Variants in WWC1 observed in about 807,000 individuals in gnomAD.
The protein encoded by WWC1 is WW and C2 domain containing 1.
In WWC1, 55 loss-of-function variants were observed where a neutral mutation model predicts 138.4. The observed-to-expected ratio is 0.40, with a 90% CI of 0.32 to 0.50. The LOEUF (loss-of-function observed/expected upper bound fraction) is 0.50. WWC1 is among the 20% of genes least tolerant of loss of function. The probability of loss-of-function intolerance (pLI) is 0.72; values close to 1 mark genes in which losing one functional copy is unlikely to be tolerated. For missense variants in WWC1, 1,226 were observed against 1,420.4 expected, an observed-to-expected ratio of 0.86 and a Z score of 2.20; for synonymous variants, 524 against 564.9, an observed-to-expected ratio of 0.93 and a Z score of 1.03.
chr5:168,375,855 G>T (rs952191451), intron 2 of WWC1, among the ~76,000 whole-genome samples: 1 of 152,024 alleles, frequency 6.6e-6, no homozygotes. Context: ...GAATACAGAC[G>T]TGAGCCACCA....
intron 8 of WWC1, among the ~76,000 whole-genome samples, chr5:168,412,377 C>T (rs945490120): frequency 2.0e-5 from 3 of 152,290 alleles, no homozygotes; most frequent in South Asian, 4.2e-4. Flanking sequence ...CAAGTTTTGT[C>T]ACACATGCAT....
At chr5:168,399,621 C>G in intron 5 of WWC1, 54 bp downstream of exon 5, 6 of 1,543,066 alleles carry the variant, frequency 3.9e-6, no homozygotes, top group Non-Finnish European at 5.4e-6. Flanking sequence ...CCTGGTTCCC[C>G]TCCTGTCCTC....
chr5:168,358,294 G>A (rs1775612758), intron 1 of WWC1, among the ~76,000 whole-genome samples: 1 of 152,230 alleles, frequency 6.6e-6, no homozygotes, highest in South Asian at 2.1e-4. Context: ...GGAGATGTCA[G>A]GAGGTGTGTT....
intron 15 of WWC1, among the ~76,000 whole-genome samples, chr5:168,438,344 G>A (rs1451125450): frequency 1.3e-5 from 2 of 152,116 alleles, no homozygotes; most frequent in African/African-American, 4.8e-5. Flanking sequence ...ATGATAGTGA[G>A]TGTGTTCTCA....
At chr5:168,293,269 C>T (rs560806978) in intron 1 of WWC1, among the ~76,000 whole-genome samples, 12 of 152,298 alleles carry the variant, frequency 7.9e-5, no homozygotes, top group African/African-American at 2.4e-4. Flanking sequence ...GTTGTTGACA[C>T]GGTCTGTGGG....
At chr5:168,295,237 G>A (rs956680596) in intron 1 of WWC1, among the ~76,000 whole-genome samples, 1 of 152,062 alleles carries the variant, frequency 6.6e-6, no homozygotes, top group South Asian at 2.1e-4. Context: ...GTCTTCAAGG[G>A]CCTGCCAGCT....
Position 168,292,226 on chromosome 5 carries a change from T to C in WWC1, c.74T>C (p.Ile25Thr), listed in dbSNP as rs775024939. 1.3e-6 allele frequency: 2 copies of C among 1,590,186 alleles called. No homozygotes were observed. The highest frequency in any genetic ancestry group is 8.6e-7 in the Non-Finnish European group (1 of 1,168,892). The change falls in exon 1 of 23, where the codon ATA becomes ACA. Residue 25 changes from isoleucine to threonine, a missense_variant. Physicochemically the swap from Ile to Thr is moderately conservative, Grantham distance 89. Coordinates refer to ENST00000265293, the MANE Select transcript of WWC1 (RefSeq NM_015238.3). The surrounding 1 kb of genome is among the most constrained non-coding windows in gnomAD (Gnocchi z 4.4). ...ARDFDGKVYY[I>T]DHTNRTTSWI... ...GACTTCGACGGCAAGGTCTACTACA[T>C]AGACCACACGAACCGCACCACCAGC...
chr5:168,461,957 G>C (rs2152892709), intron 20 of WWC1, among the ~76,000 whole-genome samples: 1 of 152,148 alleles, frequency 6.6e-6, no homozygotes, highest in South Asian at 2.1e-4. Flanking sequence ...TCGGGAGGCT[G>C]AGGCAGGAGA....
intron 1 of WWC1, among the ~76,000 whole-genome samples, chr5:168,326,602 G>A (rs889260912): frequency 6.6e-6 from 1 of 151,658 alleles, no homozygotes; most frequent in Non-Finnish European, 1.5e-5. Flanking sequence ...ACAGTGATGC[G>A]ATCTCAGCTC....
At chr5:168,312,366 C>G (rs1353811112) in intron 1 of WWC1, among the ~76,000 whole-genome samples, 2 of 152,156 alleles carry the variant, frequency 1.3e-5, no homozygotes, top group Non-Finnish European at 2.9e-5. Flanking sequence ...GACGTGGCGG[C>G]ACAGGGGGAT....
At chr5:168,341,034 G>A (rs1483488672) in intron 1 of WWC1, among the ~76,000 whole-genome samples, 2 of 152,178 alleles carry the variant, frequency 1.3e-5, no homozygotes, top group Non-Finnish European at 2.9e-5. Context: ...CAGCTACTGT[G>A]CCAGGAGCCA....
At chr5:168,307,665 T>G (rs1770696804) in intron 1 of WWC1, among the ~76,000 whole-genome samples, 1 of 148,546 alleles carries the variant, frequency 6.7e-6, no homozygotes, top group Non-Finnish European at 1.5e-5. Context: ...AGTGCAGTGG[T>G]GCGATCTTGG....
intron 1 of WWC1, among the ~76,000 whole-genome samples, chr5:168,342,395 T>G (rs1774107558): frequency 6.6e-6 from 1 of 152,060 alleles, no homozygotes; most frequent in Admixed American, 6.5e-5. Flanking sequence ...AGTGGCAGTG[T>G]TAGGTGCTGT....
intron 1 of WWC1, among the ~76,000 whole-genome samples, chr5:168,319,290 G>C (rs1257573706): frequency 6.6e-6 from 1 of 152,062 alleles, no homozygotes; most frequent in Non-Finnish European, 1.5e-5. Context: ...CGTGGTGGCG[G>C]GTGCCTGTAA....
intron 1 of WWC1, among the ~76,000 whole-genome samples, chr5:168,293,040 G>A (rs1769206364): frequency 1.3e-5 from 2 of 152,172 alleles, no homozygotes; most frequent in Admixed American, 1.3e-4. Context: ...GGGCGGCGAG[G>A]CTCCTCAGCC....
chr5:168,348,004 T>C (rs1435704547), intron 1 of WWC1, among the ~76,000 whole-genome samples: 1 of 152,166 alleles, frequency 6.6e-6, no homozygotes, highest in Non-Finnish European at 1.5e-5. Context: ...GATGGCAGTG[T>C]GACTATTAGA....
At chr5:168,421,937 G>A in intron 9 of WWC1, 71 bp from the exon 10 acceptor site, 1 of 1,329,280 alleles carries the variant, frequency 7.5e-7, no homozygotes, top group Non-Finnish European at 1.1e-6. Flanking sequence ...GTGGGTCTGG[G>A]TGTACATGGG....
At chr5:168,299,115 A>G (rs544690550) in intron 1 of WWC1, among the ~76,000 whole-genome samples, 1 of 152,332 alleles carries the variant, frequency 6.6e-6, no homozygotes, top group South Asian at 2.1e-4. Flanking sequence ...CTTGCTCAAG[A>G]TCACCAACAG....
intron 1 of WWC1, among the ~76,000 whole-genome samples, chr5:168,310,836 T>TAA (rs541770385): frequency 8.9e-6 from 1 of 112,196 alleles, no homozygotes. Flanking sequence ...AGACCCTGTC[T>TAA]AAAAAAAAAG....
Sources: gnomAD v4.1 joint callset for allele counts (sites outside exome capture counted in the v4.1 genomes callset) on GRCh38, gnomAD v4.1.1 for gene constraint, Gnocchi (gnomAD v3.1) non-coding constraint, MANE v1.5 for transcripts, NCBI Gene and HGNC (gene_info 2026-07-23, HGNC 2026-07-21) for gene names.